The following EYS variants were observed in gnomAD, a reference collection of about 807,000 sequenced individuals.
The protein encoded by EYS is EGF-like photoreceptor maintenance factor, also known as protein eyes shut homolog.
In EYS, 250 loss-of-function variants were observed where a neutral mutation model predicts 282.1. The observed-to-expected ratio is 0.89, with a 90% CI of 0.80 to 0.98. The LOEUF (loss-of-function observed/expected upper bound fraction) is 0.98, where lower values mean the gene tolerates loss of function less well. EYS is among the 50% of genes least tolerant of loss of function. The pLI is 0.00. For missense variants in EYS, 4,016 were observed against 3,709.0 expected (o/e 1.08, Z -2.15); for synonymous variants, 1,355 against 1,282.9 (o/e 1.06, Z -1.20).
intron 22 of EYS, among the ~76,000 whole-genome samples, chr6:64,633,639 A>G (rs1767870212): frequency 6.6e-6 from 1 of 151,780 alleles, no homozygotes; most frequent in South Asian, 2.1e-4. Flanking sequence ...AAAAAAAAAA[A>G]AAAAATGGAG....
intron 12 of EYS, among the ~76,000 whole-genome samples, chr6:65,111,390 T>G (rs948450909): frequency 5.3e-5 from 8 of 152,180 alleles, no homozygotes; most frequent in Non-Finnish European, 1.2e-4. Context: ...AACCCCCAAA[T>G]TTATTGAGAA....
At chr6:64,097,229 G>A (rs189111192) in intron 31 of EYS, among the ~76,000 whole-genome samples, 102 of 152,276 alleles carry the variant, frequency 6.7e-4, no homozygotes, top group African/African-American at 2.3e-3. Flanking sequence ...AGTCTGTTCC[G>A]TTCTCCGATC....
intron 10 of EYS, among the ~76,000 whole-genome samples, chr6:65,338,610 A>G (rs1031394115): frequency 1.3e-5 from 2 of 151,062 alleles, no homozygotes; most frequent in Admixed American, 1.3e-4. Flanking sequence ...TTGATTGCAC[A>G]AAAACCTCAA....
chr6:64,023,825 A>T (rs1326975425), intron 33 of EYS, among the ~76,000 whole-genome samples: 3 of 152,188 alleles, frequency 2.0e-5, no homozygotes, highest in African/African-American at 7.2e-5. Context: ...TTTGCGGGCC[A>T]GCGCGAGTTC....
In EYS at chr6:65,180,365, A is replaced by G. The variant is rs1765345611; in HGVS notation, c.2023+115498T>C. 3.9e-5 allele frequency among the ~76,000 whole-genome samples: 6 copies of G among 152,278 alleles called. No homozygotes were observed. The South Asian group carries it at 1.2e-3, about 32-fold the overall frequency. The stretch of plus-strand genomic sequence containing the variant: ...TAAACAACTTCAGCAAAGTCTCAGG[A>G]TACAAAATCAATGTGCAAAAATCAC... On this transcript the variant is annotated intron_variant, in intron 12 of 42. Coordinates refer to ENST00000503581, the MANE Select transcript of EYS (RefSeq NM_001142800.2).
At chr6:64,689,634 G>C (rs1043035811) in intron 22 of EYS, among the ~76,000 whole-genome samples, 1 of 152,038 alleles carries the variant, frequency 6.6e-6, no homozygotes, top group African/African-American at 2.4e-5. Flanking sequence ...CAGAGATATA[G>C]GGCAATGGAA....
At chr6:65,283,429 G>T (rs1768276996) in intron 12 of EYS, among the ~76,000 whole-genome samples, 1 of 151,868 alleles carries the variant, frequency 6.6e-6, no homozygotes. Context: ...GCATTTAGTA[G>T]CAACATTTAT....
chr6:64,070,553 T>TTC (rs1771536860), intron 32 of EYS, among the ~76,000 whole-genome samples: 2 of 152,054 alleles, frequency 1.3e-5, no homozygotes, highest in African/African-American at 4.8e-5. Flanking sequence ...AGCTGCCAAA[T>TTC]AGTCATGTCT....
At chr6:63,930,016 G>C (rs376731098) in intron 35 of EYS, among the ~76,000 whole-genome samples, 1 of 152,014 alleles carries the variant, frequency 6.6e-6, no homozygotes, top group Non-Finnish European at 1.5e-5. Flanking sequence ...ACTTCCTACC[G>C]TGTGAGATTA....
At chr6:64,274,511 A>G (rs1324437997) in intron 30 of EYS, among the ~76,000 whole-genome samples, 6 of 125,950 alleles carry the variant, frequency 4.8e-5, no homozygotes. Context: ...TTTACAAATC[A>G]GCTACATTGA....
At chr6:64,723,447 C>G (rs888922538) in intron 22 of EYS, among the ~76,000 whole-genome samples, 4 of 152,148 alleles carry the variant, frequency 2.6e-5, no homozygotes, top group Non-Finnish European at 4.4e-5. Flanking sequence ...TTTATTGCAT[C>G]ATATTTGTGA....
chr6:65,586,073 T>G (rs886400136), intron 2 of EYS, among the ~76,000 whole-genome samples: 1 of 152,022 alleles, frequency 6.6e-6, no homozygotes, highest in African/African-American at 2.4e-5. Context: ...GGCTCCATTT[T>G]GGGGAATTCT....
intron 13 of EYS, among the ~76,000 whole-genome samples, chr6:65,001,659 C>T (rs1173554948): frequency 6.8e-6 from 1 of 147,978 alleles, no homozygotes; most frequent in African/African-American, 2.4e-5. Flanking sequence ...CTTGTACCTT[C>T]TTCTACCCAG....
At chr6:65,230,243 GT>G (rs1766732426) in intron 12 of EYS, among the ~76,000 whole-genome samples, 1 of 151,850 alleles carries the variant, frequency 6.6e-6, no homozygotes, top group East Asian at 1.9e-4. Flanking sequence ...TTACTTTCAT[GT>G]GATTTTCTCC....
intron 22 of EYS, among the ~76,000 whole-genome samples, chr6:64,668,019 G>T (rs982193628): frequency 1.3e-5 from 2 of 152,134 alleles, no homozygotes; most frequent in African/African-American, 2.4e-5. Context: ...TTGGGCGTAA[G>T]AATTTGCATC....
chr6:65,064,209 A>G (rs1450786083), intron 12 of EYS, among the ~76,000 whole-genome samples: 3 of 143,126 alleles, frequency 2.1e-5, no homozygotes, highest in South Asian at 2.1e-4. Context: ...TATATCATAT[A>G]CTATATATTA....
intron 2 of EYS, among the ~76,000 whole-genome samples, chr6:65,498,685 T>C (rs1034935926): frequency 1.3e-5 from 2 of 151,928 alleles, no homozygotes; most frequent in Non-Finnish European, 2.9e-5. Context: ...CACAAAAACA[T>C]CTATTAAGTC....
At chr6:64,667,663 T>C (rs1012793447) in intron 22 of EYS, among the ~76,000 whole-genome samples, 2 of 152,074 alleles carry the variant, frequency 1.3e-5, no homozygotes, top group Non-Finnish European at 2.9e-5. Context: ...TATATTTTCA[T>C]ATAGAGGGAG....
At chr6:65,528,364 G>A (rs1767645770) in intron 2 of EYS, among the ~76,000 whole-genome samples, 1 of 152,094 alleles carries the variant, frequency 6.6e-6, no homozygotes, top group African/African-American at 2.4e-5. Flanking sequence ...GTGCAGGCTG[G>A]GTGTCCTGGT....
Sources: allele counts gnomAD v4.1 joint callset (sites outside exome capture counted in the v4.1 genomes callset), GRCh38; gene constraint gnomAD v4.1.1; transcripts MANE v1.5; gene names NCBI Gene and HGNC (gene_info 2026-07-23, HGNC 2026-07-21).